The following NPAS3 variants were observed in gnomAD, a reference collection of about 807,000 sequenced individuals.
NPAS3 encodes neuronal PAS domain-containing protein 3.
In NPAS3, 14 loss-of-function variants were observed where a neutral mutation model predicts 73.1. The ratio of observed to expected loss-of-function variants is 0.19; its 90% CI spans 0.13 to 0.30. The LOEUF is 0.30. Ranked by LOEUF, NPAS3 falls within the 10% of genes least tolerant of loss-of-function variation. The probability of loss-of-function intolerance (pLI) is 1.00; values close to 1 mark genes in which losing one functional copy is unlikely to be tolerated. For missense variants in NPAS3, 1,096 were observed against 1,250.0 expected (o/e 0.88, Z 1.86); for synonymous variants, 620 against 541.5 (o/e 1.14, Z -2.01).
chr14:33,243,362 CTT>C (rs913708894), intron 3 of NPAS3, among the ~76,000 whole-genome samples: 101 of 149,466 alleles, frequency 6.8e-4, no homozygotes, highest in East Asian at 9.8e-4. Flanking sequence ...TATATCAAGA[CTT>C]TTTTTTTTGA....
At chr14:33,630,265 G>T (rs149572810) in intron 5 of NPAS3, among the ~76,000 whole-genome samples, 1 of 152,270 alleles carries the variant, frequency 6.6e-6, no homozygotes, top group African/African-American at 2.4e-5. Context: ...TGCACAACTT[G>T]TGGAAAAGCT....
intron 2 of NPAS3, among the ~76,000 whole-genome samples, chr14:33,115,974 C>T (rs142473028): frequency 2.0e-4 from 31 of 152,146 alleles, no homozygotes; most frequent in Non-Finnish European, 3.8e-4. Context: ...AGGTCCCTCA[C>T]GAGTACTTCA....
At chr14:33,191,857 A>C (rs2046182453) in intron 2 of NPAS3, among the ~76,000 whole-genome samples, 1 of 152,234 alleles carries the variant, frequency 6.6e-6, no homozygotes, top group African/African-American at 2.4e-5. Flanking sequence ...TGAACTCATA[A>C]ATTTTTAAAA....
chr14:33,442,645 A>G (rs2049307135), intron 4 of NPAS3, among the ~76,000 whole-genome samples: 1 of 152,194 alleles, frequency 6.6e-6, no homozygotes, highest in African/African-American at 2.4e-5. Flanking sequence ...TGCTGCCGCC[A>G]TGTGAAGAAG....
rs1438666054 is a variant in NPAS3, at chr14:33,735,105, C to T, written c.734-109C>T. Reference sequence around the variant, plus strand: ...AAATTGATTACTACTGCTCTTAGCACCCATCAGTCATTTATTTTTAGTGAA... The same window carrying T: ...AAATTGATTACTACTGCTCTTAGCATCCATCAGTCATTTATTTTTAGTGAA... On this transcript the variant is annotated intron_variant, in intron 6 of 11. Transcript: ENST00000356141. The T allele has an allele frequency of 5.5e-5, 42 of 756,996 alleles. No homozygotes were observed. The East Asian group carries it at 1.0e-3, about 18-fold the overall frequency. The allele number at this position is 756,996 out of a possible 1,614,324, so 46.9% of individuals were successfully genotyped here. A position where few individuals can be genotyped will look rare whatever the true frequency, so the allele number is the denominator to read the frequency against.
downstream of NPAS3, chr14:33,803,793 T>C (rs1192862647): frequency 6.6e-6 from 1 of 152,056 alleles, no homozygotes; most frequent in Non-Finnish European, 1.5e-5. Context: ...TATGAAAACT[T>C]TTATGAGGAG....
intron 7 of NPAS3, among the ~76,000 whole-genome samples, chr14:33,760,778 G>A (rs1488798881): frequency 6.6e-6 from 1 of 151,734 alleles, no homozygotes; most frequent in Non-Finnish European, 1.5e-5. Context: ...AATTATGATA[G>A]CACAAGTCTC....
At chr14:33,435,041 T>G (rs1167210010) in intron 4 of NPAS3, among the ~76,000 whole-genome samples, 1 of 152,160 alleles carries the variant, frequency 6.6e-6, no homozygotes, top group Non-Finnish European at 1.5e-5. Context: ...TTGGAGATGT[T>G]TAATTCAGTG....
chr14:33,176,887 TTTC>T (rs1394878921), intron 2 of NPAS3, among the ~76,000 whole-genome samples: 1 of 151,994 alleles, frequency 6.6e-6, no homozygotes, highest in Non-Finnish European at 1.5e-5. Flanking sequence ...ACTTGTTATT[TTTC>T]TTTTTTCTTT....
At chr14:33,636,268 G>A (rs2058512628) in intron 5 of NPAS3, among the ~76,000 whole-genome samples, 2 of 152,182 alleles carry the variant, frequency 1.3e-5, no homozygotes, top group Non-Finnish European at 2.9e-5. Context: ...GCCTGTAATA[G>A]GTGTTCACTG....
chr14:33,237,717 T>C (rs938388951), intron 3 of NPAS3, among the ~76,000 whole-genome samples: 11 of 152,008 alleles, frequency 7.2e-5, no homozygotes, highest in African/African-American at 2.7e-4. Flanking sequence ...TATCTATAGA[T>C]TTGCATATAC....
At chr14:33,004,776 A>T (rs1339595945) in intron 1 of NPAS3, among the ~76,000 whole-genome samples, 8 of 78,308 alleles carry the variant, frequency 1.0e-4, no homozygotes, top group African/African-American at 2.8e-4. Flanking sequence ...ATTTTTCTTT[A>T]TCTGTATTCC....
At chr14:33,650,151 G>A (rs760442653) in intron 5 of NPAS3, among the ~76,000 whole-genome samples, 7 of 152,274 alleles carry the variant, frequency 4.6e-5, no homozygotes, top group African/African-American at 7.2e-5. Flanking sequence ...ACCTCACTTC[G>A]AGAAAACTCT....
chr14:33,710,629 A>G (rs1046687595), intron 6 of NPAS3, among the ~76,000 whole-genome samples: 4 of 152,114 alleles, frequency 2.6e-5, no homozygotes, highest in African/African-American at 9.7e-5. Flanking sequence ...ACAAGGGGAG[A>G]CACATCCAGA....
In NPAS3 at chr14:33,063,420, T is replaced by C. The variant is rs149609585; in HGVS notation, c.140+7426T>C. Among the ~76,000 whole-genome samples the C allele has an allele frequency of 3.3e-5, 5 of 152,290 alleles. No individual in the cohort carries two copies. The East Asian group carries it at 9.6e-4, about 29-fold the overall frequency. On this transcript the variant is annotated intron_variant, in intron 2 of 11. Transcript: ENST00000356141. ...GGAATTAAGATTAGTATCAGCAAATTATGATCCACTAGCCACATCTACCCC... is the reference window on the plus strand; with the variant it reads ...GGAATTAAGATTAGTATCAGCAAATCATGATCCACTAGCCACATCTACCCC...
chr14:32,957,732 A>T (rs8018046), intron 1 of NPAS3, among the ~76,000 whole-genome samples: 59,432 of 151,966 alleles, frequency 0.39, 13,881 homozygotes, highest in African/African-American at 0.65. Context: ...TTAACAATTT[A>T]GAAAGCTAAA....
intron 3 of NPAS3, among the ~76,000 whole-genome samples, chr14:33,221,121 C>T (rs1439584699): frequency 6.6e-6 from 1 of 152,186 alleles, no homozygotes; most frequent in African/African-American, 2.4e-5. Context: ...GGGGTTCAGC[C>T]TAGCTCTGTC....
chr14:33,325,417 G>A (rs1426073515), intron 3 of NPAS3, among the ~76,000 whole-genome samples: 1 of 152,084 alleles, frequency 6.6e-6, no homozygotes, highest in Non-Finnish European at 1.5e-5. Context: ...AGACCGAGGT[G>A]GGTGGATCAC....
intron 4 of NPAS3, among the ~76,000 whole-genome samples, chr14:33,418,818 C>T (rs2048259575): frequency 6.6e-6 from 1 of 151,908 alleles, no homozygotes; most frequent in Non-Finnish European, 1.5e-5. Context: ...GGTTCTGTTT[C>T]TTAATATGTT....
Sources: gnomAD v4.1 joint callset for allele counts (sites outside exome capture counted in the v4.1 genomes callset) on GRCh38, gnomAD v4.1.1 for gene constraint, MANE v1.5 for transcripts, NCBI Gene and HGNC (gene_info 2026-07-23, HGNC 2026-07-21) for gene names.